Variants in LYPD6 observed in about 807,000 individuals in gnomAD.
LYPD6 encodes LY6/PLAUR domain containing 6.
Under a neutral mutation model 22.7 loss-of-function variants are expected in LYPD6, and 15 were observed. That is an observed-to-expected ratio of 0.66 (90% CI 0.44 to 1.02). The LOEUF (loss-of-function observed/expected upper bound fraction) is 1.02, where lower values mean the gene tolerates loss of function less well. LYPD6 is among the 50% of genes least tolerant of loss of function. The pLI, the probability that LYPD6 is intolerant of heterozygous loss-of-function variation, is 0.00. For missense variants in LYPD6, 189 were observed against 208.4 expected, an observed-to-expected ratio of 0.91 and a Z score of 0.57; for synonymous variants, 72 against 77.5, an observed-to-expected ratio of 0.93 and a Z score of 0.37.
chr2:149,378,089 T>C (rs1322058609), intron 1 of LYPD6, among the ~76,000 whole-genome samples: 3 of 152,248 alleles, frequency 2.0e-5, no homozygotes, highest in East Asian at 1.9e-4. Flanking sequence ...GTGTAACTCA[T>C]AGTAATAATC....
the LYPD6 span, among the ~76,000 whole-genome samples, chr2:149,481,806 T>A: frequency 6.6e-6 from 1 of 152,244 alleles, no homozygotes; most frequent in Non-Finnish European, 1.5e-5. Context: ...ATAACTTTTT[T>A]CTTTTAAAAA....
intron 1 of LYPD6, among the ~76,000 whole-genome samples, chr2:149,406,828 C>T (rs1198114132): frequency 2.0e-5 from 3 of 151,982 alleles, no homozygotes; most frequent in South Asian, 2.1e-4. Flanking sequence ...TTCCTAGCCT[C>T]AATGGTCTTT....
At chr2:149,379,523 AT>A (rs1253306939) in intron 1 of LYPD6, among the ~76,000 whole-genome samples, 7 of 152,234 alleles carry the variant, frequency 4.6e-5, no homozygotes, top group African/African-American at 1.7e-4. Context: ...TTCCTATTAG[AT>A]TCAATGAAAA....
intron 1 of LYPD6, among the ~76,000 whole-genome samples, chr2:149,372,722 A>G (rs904430463): frequency 2.6e-5 from 4 of 152,308 alleles, no homozygotes; most frequent in African/African-American, 9.6e-5. Flanking sequence ...AATAAAGGCT[A>G]GGATAGTAGA....
In LYPD6 at chr2:149,368,914, G is replaced by T. The variant is rs570243317; in HGVS notation, c.-72+38192G>T. On this transcript the variant is annotated intron_variant, in intron 1 of 4. Coordinates refer to ENST00000334166, the MANE Select transcript of LYPD6 (RefSeq NM_194317.5). ...GACTGGGTAGATGGTGGGGTGACTC[G>T]CCAGTCTACAAAATATTGGGAAAGT... is the stretch of plus-strand genomic sequence containing the variant. 1.8e-4 allele frequency among the ~76,000 whole-genome samples: 28 copies of T among 152,224 alleles called. 1 individual carries two copies. The highest frequency in any genetic ancestry group is 6.3e-4 in the African/African-American group (26 of 41,534).
At chr2:149,346,622 C>G (rs1004975732) in intron 1 of LYPD6, among the ~76,000 whole-genome samples, 1 of 152,240 alleles carries the variant, frequency 6.6e-6, no homozygotes, top group Non-Finnish European at 1.5e-5. Flanking sequence ...AGGTAACACT[C>G]TAGATGTGTA....
At chr2:149,460,020 T>G (rs1428359464) in intron 3 of LYPD6, among the ~76,000 whole-genome samples, 1 of 152,246 alleles carries the variant, frequency 6.6e-6, no homozygotes, top group Middle Eastern at 3.4e-3. Flanking sequence ...TGATAAGTTT[T>G]GCATATAATT....
chr2:149,342,683 A>G (rs1420255795), intron 1 of LYPD6, among the ~76,000 whole-genome samples: 1 of 152,216 alleles, frequency 6.6e-6, no homozygotes, highest in Non-Finnish European at 1.5e-5. Context: ...AGAAATAGAC[A>G]AGGCCAGATC....
intron 1 of LYPD6, among the ~76,000 whole-genome samples, chr2:149,374,228 G>A (rs1681868967): frequency 6.6e-6 from 1 of 152,148 alleles, no homozygotes; most frequent in South Asian, 2.1e-4. Flanking sequence ...ATATGGTTTT[G>A]TTGACTAAAA....
At position 149,409,313 on chromosome 2, in the gene LYPD6, G is replaced by A. The variant is rs1682800851; in HGVS notation, c.-71-28325G>A. On this transcript the variant is annotated intron_variant, in intron 1 of 4. Transcript: ENST00000334166. ...CACCTGCTCTGGTGGAGGTAGCAGG[G>A]GAGTGATGTGGACTCTGAGGGTCCT... 2.0e-5 allele frequency among the ~76,000 whole-genome samples: 3 copies of A among 152,152 alleles called. No homozygotes were observed. In the South Asian group the frequency reaches 6.2e-4, roughly 32 times the overall value.
intron 1 of LYPD6, among the ~76,000 whole-genome samples, chr2:149,417,337 G>A (rs1376664149): frequency 4.6e-5 from 7 of 152,182 alleles, no homozygotes; most frequent in Non-Finnish European, 7.3e-5. Flanking sequence ...TATCCTGTGA[G>A]CAGTGGGGAA....
At chr2:149,448,161 C>T (rs1683728691) in intron 2 of LYPD6, among the ~76,000 whole-genome samples, 1 of 152,146 alleles carries the variant, frequency 6.6e-6, no homozygotes, top group Non-Finnish European at 1.5e-5. Context: ...GGTATAGTGG[C>T]ACATGCCTGT....
intron 2 of LYPD6, among the ~76,000 whole-genome samples, chr2:149,445,651 C>T (rs910960479): frequency 6.6e-6 from 1 of 152,172 alleles, no homozygotes; most frequent in Admixed American, 6.5e-5. Context: ...GACTTTTCTT[C>T]TGCAGCTTCA....
intron 1 of LYPD6, chr2:149,370,718 G>C: frequency 6.6e-6 from 1 of 152,142 alleles, no homozygotes; most frequent in Admixed American, 6.5e-5. Context: ...GTAAGTTCAA[G>C]AACATCCCAT....
intron 1 of LYPD6, among the ~76,000 whole-genome samples, chr2:149,403,283 C>G (rs1416641369): frequency 2.0e-5 from 3 of 150,452 alleles, no homozygotes; most frequent in Non-Finnish European, 3.0e-5. Flanking sequence ...ATTTCTAGTT[C>G]TAGATCCCTG....
At position 149,359,050 on chromosome 2, in the gene LYPD6, T is replaced by C. The variant is rs181928104; in HGVS notation, c.-72+28328T>C. ...ATCTCTATGCTCCCATGATCCTCTATGTAATTTTTCAGTATCAAATTTTAA... is the reference window on the plus strand; with the variant it reads ...ATCTCTATGCTCCCATGATCCTCTACGTAATTTTTCAGTATCAAATTTTAA... On this transcript the variant is annotated intron_variant, in intron 1 of 4. Transcript: ENST00000334166. Among the ~76,000 whole-genome samples, 252 of 152,342 alleles carry C rather than the reference T, an allele frequency of 1.7e-3. 2 individuals carry two copies. Among genetic ancestry groups the C allele is most frequent in the South Asian group, 7.7e-3 (37 of 4,824 alleles).
At chr2:149,403,622 C>G (rs1050662477) in intron 1 of LYPD6, among the ~76,000 whole-genome samples, 6 of 148,644 alleles carry the variant, frequency 4.0e-5, no homozygotes, top group Admixed American at 2.7e-4. Flanking sequence ...ATTGTAGATT[C>G]TGGATATTAG....
At chr2:149,485,096 G>T in the LYPD6 span, among the ~76,000 whole-genome samples, 1 of 152,150 alleles carries the variant, frequency 6.6e-6, no homozygotes, top group Non-Finnish European at 1.5e-5. Flanking sequence ...GTCATCACGG[G>T]CCCCTCAGCA....
intron 1 of LYPD6, among the ~76,000 whole-genome samples, chr2:149,334,038 A>G (rs144810103): frequency 6.6e-6 from 1 of 152,340 alleles, no homozygotes; most frequent in East Asian, 1.9e-4. Context: ...TAGAAACCCA[A>G]AAGTGATAAG....
Sources: gnomAD v4.1 joint callset for allele counts (sites outside exome capture counted in the v4.1 genomes callset) on GRCh38, gnomAD v4.1.1 for gene constraint, MANE v1.5 for transcripts, NCBI Gene and HGNC (gene_info 2026-07-23, HGNC 2026-07-21) for gene names.